The following ZNF670 variants were observed in gnomAD, a reference collection of about 807,000 sequenced individuals.
The protein encoded by ZNF670 is zinc finger protein 670.
Under a neutral mutation model 10.9 loss-of-function variants are expected in ZNF670, and 7 were observed. The ratio of observed to expected loss-of-function variants is 0.64; its 90% CI spans 0.36 to 1.20. The LOEUF (loss-of-function observed/expected upper bound fraction) is 1.20. ZNF670 is among the 50% of genes most tolerant of loss of function. The pLI is 0.02. For synonymous variants in ZNF670, 136 were observed against 152.7 expected (o/e 0.89, Z 0.81); for missense variants, 446 against 458.6 (o/e 0.97, Z 0.25).
rs1491067461 is a variant in ZNF670 at position 247,036,903 on chromosome 1, CAT to C, written c.*544_*545del. Reference sequence around the variant, plus strand: ...ACACACACACACACACACACACACACATGAACTCATTTTTCATTGGTCCATTA... The same window carrying C: ...ACACACACACACACACACACACACACGAACTCATTTTTCATTGGTCCATTA... On this transcript the variant is annotated 3_prime_UTR_variant, in exon 4 of 4. Coordinates refer to ENST00000366503, the MANE Select transcript of ZNF670 (RefSeq NM_033213.5). 2.2e-3 allele frequency: 336 copies of C among 152,868 alleles called. 3 individuals carry two copies. Among genetic ancestry groups the C allele is most frequent in the South Asian group, 9.0e-3 (44 of 4,898 alleles). 9.5% of individuals were successfully genotyped at this position (152,868 alleles called of 1,614,324 possible).
chr1:247,047,958 C>G (rs1224073673), intron 1 of ZNF670, among the ~76,000 whole-genome samples: 1 of 152,210 alleles, frequency 6.6e-6, no homozygotes, highest in Non-Finnish European at 1.5e-5. Context: ...AGACCTCTGA[C>G]ATGTCCTAAA....
chr1:247,049,958 C>A (rs1333119386), intron 1 of ZNF670, among the ~76,000 whole-genome samples: 1 of 152,150 alleles, frequency 6.6e-6, no homozygotes, highest in Non-Finnish European at 1.5e-5. Context: ...GGTGTATCTT[C>A]AAGAATGTTC....
chr1:247,041,067 A>G (rs912142145), intron 1 of ZNF670, among the ~76,000 whole-genome samples: 14 of 152,244 alleles, frequency 9.2e-5, no homozygotes, highest in Non-Finnish European at 1.8e-4. Context: ...AAGCACTTTA[A>G]AACATACAGT....
chr1:247,066,265 G>A (rs1471282757), intron 1 of ZNF670, among the ~76,000 whole-genome samples: 3 of 152,174 alleles, frequency 2.0e-5, no homozygotes, highest in African/African-American at 7.2e-5. Flanking sequence ...CAGGATTGCT[G>A]AGGACCAGGA....
chr1:247,076,249 T>G (rs2103075362), intron 1 of ZNF670, among the ~76,000 whole-genome samples: 1 of 151,082 alleles, frequency 6.6e-6, no homozygotes, highest in Middle Eastern at 3.4e-3. Context: ...TGCCCCACTG[T>G]GTGCTTGAAT....
At position 247,043,067 on chromosome 1, in the gene ZNF670, C is replaced by T. The variant is rs535100699; in HGVS notation, c.4-3530G>A. ...TCCCACAGACCCAATCAACACAATACAGTGAGGCTGGGAGCTTTCCAGGCT... is the reference window on the plus strand; with the variant it reads ...TCCCACAGACCCAATCAACACAATATAGTGAGGCTGGGAGCTTTCCAGGCT... On this transcript the variant is annotated intron_variant, in intron 1 of 3. Transcript: ENST00000366503. The T allele has an allele frequency of 8.6e-5, 96 of 1,121,526 alleles. 1 individual carries two copies. The South Asian group carries it at 1.2e-3, about 14-fold the overall frequency. 69.5% of individuals were successfully genotyped at this position (1,121,526 alleles called of 1,614,324 possible). A position where few individuals can be genotyped will look rare whatever the true frequency, so the allele number is the denominator to read the frequency against.
chr1:247,072,653 G>A (rs925625631), intron 1 of ZNF670, among the ~76,000 whole-genome samples: 15 of 150,860 alleles, frequency 9.9e-5, no homozygotes, highest in Admixed American at 3.3e-4. Flanking sequence ...TGGGCATGGC[G>A]GTGCATGCCT....
intron 1 of ZNF670, among the ~76,000 whole-genome samples, chr1:247,078,296 C>CA (rs1478389664): frequency 6.6e-6 from 1 of 152,240 alleles, no homozygotes; most frequent in Non-Finnish European, 1.5e-5. Context: ...CCCCGAACCC[C>CA]AAGTCGGGAC....
chr1:247,078,046 G>A (rs1282094409), intron 1 of ZNF670, among the ~76,000 whole-genome samples: 1 of 152,188 alleles, frequency 6.6e-6, no homozygotes, highest in African/African-American at 2.4e-5. Flanking sequence ...TGGCTGCACA[G>A]TCTATATGGG....
chr1:247,073,041 A>C (rs1441585661), intron 1 of ZNF670, among the ~76,000 whole-genome samples: 1 of 151,948 alleles, frequency 6.6e-6, no homozygotes, highest in Non-Finnish European at 1.5e-5. Flanking sequence ...TCTGAGCAGA[A>C]GTTAGAAAAG....
chr1:247,076,031 A>G (rs1056604568), intron 1 of ZNF670, among the ~76,000 whole-genome samples: 4 of 152,152 alleles, frequency 2.6e-5, no homozygotes, highest in Admixed American at 1.3e-4. Flanking sequence ...TGAATAAAAC[A>G]TATTTTAAAG....
intron 1 of ZNF670, among the ~76,000 whole-genome samples, chr1:247,050,626 C>T (rs1044122442): frequency 1.3e-5 from 2 of 152,038 alleles, no homozygotes; most frequent in African/African-American, 4.8e-5. Context: ...CAAGCATGCA[C>T]CACCACGCCC....
At chr1:247,038,519 TA>T in intron 3 of ZNF670, 92 bp from the exon 4 acceptor site, 1 of 1,302,490 alleles carries the variant, frequency 7.7e-7, no homozygotes. Flanking sequence ...CTGCCATATC[TA>T]AATTGTTTTA....
chr1:247,037,310 A>C lies in ZNF670; in HGVS notation c.*139T>G. Reference sequence around the variant, plus strand: ...GAAGGGAACTAGGAAAATTGCATACATTCTAATCTTCCTTACATGTGTTGG... The same window carrying C: ...GAAGGGAACTAGGAAAATTGCATACCTTCTAATCTTCCTTACATGTGTTGG... On this transcript the variant is annotated 3_prime_UTR_variant, in exon 4 of 4. Coordinates refer to ENST00000366503, the MANE Select transcript of ZNF670 (RefSeq NM_033213.5). The C allele has an allele frequency of 9.5e-7, 1 of 1,049,746 alleles. No individual in the cohort carries two copies. Among genetic ancestry groups the C allele is most frequent in the Non-Finnish European group, 1.3e-6 (1 of 768,072 alleles). The allele number at this position is 1,049,746 out of a possible 1,614,324, so 65.0% of individuals were successfully genotyped here.
chr1:247,062,214 C>T (rs868707898), intron 1 of ZNF670, among the ~76,000 whole-genome samples: 10 of 151,544 alleles, frequency 6.6e-5, no homozygotes, highest in Non-Finnish European at 1.3e-4. Context: ...TTGGTGGAAA[C>T]GTATTCATTT....
At chr1:247,066,538 C>G (rs535140755) in intron 1 of ZNF670, among the ~76,000 whole-genome samples, 1 of 152,138 alleles carries the variant, frequency 6.6e-6, no homozygotes, top group Non-Finnish European at 1.5e-5. Flanking sequence ...CATAGTCCTC[C>G]AAGGCAAAAG....
At chr1:247,078,371 G>C (rs1292347080) in intron 1 of ZNF670, among the ~76,000 whole-genome samples, 11 of 152,202 alleles carry the variant, frequency 7.2e-5, no homozygotes, top group Non-Finnish European at 1.5e-4. Flanking sequence ...TACAGAGGCA[G>C]AGCTGCCCAG....
At chr1:247,072,032 T>C (rs1671129164) in intron 1 of ZNF670, among the ~76,000 whole-genome samples, 1 of 152,006 alleles carries the variant, frequency 6.6e-6, no homozygotes, top group Admixed American at 6.6e-5. Context: ...TAATTTTTTG[T>C]ATTTTTAGTA....
At chr1:247,067,841 CAAAAAAAAAAAAAAAA>C (rs61211824) in intron 1 of ZNF670, among the ~76,000 whole-genome samples, 4 of 85,264 alleles carry the variant, frequency 4.7e-5, no homozygotes, top group African/African-American at 1.3e-4. Context: ...GACTCCGTCT[CAAAAAAAAAAAAAAAA>C]AAAAAAAAAG....
Sources: gnomAD v4.1 joint callset for allele counts (sites outside exome capture counted in the v4.1 genomes callset) on GRCh38, gnomAD v4.1.1 for gene constraint, MANE v1.5 for transcripts, NCBI Gene and HGNC (gene_info 2026-07-23, HGNC 2026-07-21) for gene names.